Variants in PIP5K1B observed in about 807,000 individuals in gnomAD.
The protein encoded by PIP5K1B is phosphatidylinositol 4-phosphate 5-kinase type-1 beta.
A neutral mutation model predicts 67.0 loss-of-function variants in PIP5K1B; 42 were observed. The ratio of observed to expected loss-of-function variants is 0.63; its 90% CI spans 0.49 to 0.81. The LOEUF is 0.81. Ranked by LOEUF, PIP5K1B falls within the 30% of genes least tolerant of loss-of-function variation. PIP5K1B has a pLI of 0.00. For synonymous variants in PIP5K1B, 214 were observed against 231.4 expected (o/e 0.92, Z 0.68); for missense variants, 459 against 646.3 (o/e 0.71, Z 3.14).
At chr9:68,882,487 T>C (rs1410493928) in intron 6 of PIP5K1B, among the ~76,000 whole-genome samples, 1 of 152,238 alleles carries the variant, frequency 6.6e-6, no homozygotes, top group African/African-American at 2.4e-5. Flanking sequence ...TAGTAACCAA[T>C]GAAATAGTCT....
At chr9:68,788,715 A>G in intron 2 of PIP5K1B, 2 of 260,648 alleles carry the variant, frequency 7.7e-6, no homozygotes, top group Non-Finnish European at 1.6e-5. Context: ...CACGTTTAGG[A>G]CCCCTTTGGG....
intron 4 of PIP5K1B, among the ~76,000 whole-genome samples, chr9:68,856,677 A>G (rs1822795669): frequency 6.6e-6 from 1 of 152,306 alleles, no homozygotes; most frequent in South Asian, 2.1e-4. Flanking sequence ...TATGCTTCGC[A>G]CAATGCCTAA....
At position 68,779,928 on chromosome 9, in the gene PIP5K1B, C is replaced by T. The variant is rs1831136247; in HGVS notation, c.-86+37271C>T. ...GCTATTTGCCGAAGGAATATACGGA[C>T]TAGCGGCCCGACCACTCCTCGCCCC... On this transcript the variant is annotated intron_variant, in intron 2 of 15. Coordinates refer to ENST00000265382, the MANE Select transcript of PIP5K1B (RefSeq NM_003558.4). 3 of 471,804 alleles carry T rather than the reference C, an allele frequency of 6.4e-6. No individual in the cohort carries two copies. In the Admixed American group the frequency reaches 1.2e-4, roughly 19 times the overall value. The allele number at this position is 471,804 out of a possible 1,614,324, so 29.2% of individuals were successfully genotyped here. A position where few individuals can be genotyped will look rare whatever the true frequency, so the allele number is the denominator to read the frequency against.
At chr9:68,781,323 C>T (rs8114) in intron 2 of PIP5K1B, 160,415 of 270,582 alleles carry the variant, frequency 0.59, 49,018 homozygotes, top group Non-Finnish European at 0.66. Context: ...TTTTAAATAA[C>T]TGAGAGCTCT....
chr9:68,748,608 CTTTTCT>C (rs1368919407), intron 2 of PIP5K1B, among the ~76,000 whole-genome samples: 2 of 97,220 alleles, frequency 2.1e-5, no homozygotes, highest in Non-Finnish European at 3.9e-5. Context: ...TTTCAGATTT[CTTTTCT>C]TTTTTTTTTT....
At chr9:68,716,686 T>C (rs1827650001) in intron 1 of PIP5K1B, among the ~76,000 whole-genome samples, 1 of 152,148 alleles carries the variant, frequency 6.6e-6, no homozygotes, top group African/African-American at 2.4e-5. Flanking sequence ...CTTGGAGATT[T>C]CTCAAAGAAC....
chr9:68,780,229 A>G (rs745618786), intron 2 of PIP5K1B: 17 of 1,542,066 alleles, frequency 1.1e-5, no homozygotes, highest in Non-Finnish European at 1.5e-5. Flanking sequence ...AGCCCGGCGG[A>G]GGGCGGTGGC....
rs397792694 is a variant in PIP5K1B at position 68,893,333 on chromosome 9, C to CTTTTTT, written c.472-993_472-988dup. 1.4e-4 allele frequency among the ~76,000 whole-genome samples: 15 copies of CTTTTTT among 110,970 alleles called. 1 individual carries two copies. Among genetic ancestry groups the CTTTTTT allele is most frequent in the Non-Finnish European group, 2.0e-4 (12 of 58,856 alleles). 72.8% of individuals were successfully genotyped at this position (110,970 alleles called of 152,430 possible). A position where few individuals can be genotyped will look rare whatever the true frequency, so the allele number is the denominator to read the frequency against. ...TAGGCATGTATTCCCTATTTTTTTTCTTTTTTTTTTTTTTTTTTGAGACAG... is the reference window on the plus strand; with the variant it reads ...TAGGCATGTATTCCCTATTTTTTTTCTTTTTTTTTTTTTTTTTTTTTTTTGAGACAG... On this transcript the variant is annotated intron_variant, in intron 7 of 15. Transcript: ENST00000265382.
At chr9:68,836,626 T>TAC (rs137946479) in intron 4 of PIP5K1B, among the ~76,000 whole-genome samples, 43,991 of 151,344 alleles carry the variant, frequency 0.29, 6,453 homozygotes, top group Admixed American at 0.34. Context: ...CACATACATC[T>TAC]ACACACACAC....
In PIP5K1B at chr9:68,809,508, C is replaced by T. The variant is rs578103632; in HGVS notation, c.-85-8953C>T. On this transcript the variant is annotated intron_variant, in intron 2 of 15. Transcript: ENST00000265382. ...TGGCACAAAATTTAAGAGGGACTTA[C>T]GATCATAGGTGGAAGGAGCAATGAG... 4.6e-5 allele frequency among the ~76,000 whole-genome samples: 7 copies of T among 152,102 alleles called. No homozygotes were observed. In the South Asian group the frequency reaches 1.2e-3, roughly 27 times the overall value.
intron 14 of PIP5K1B, among the ~76,000 whole-genome samples, chr9:68,951,232 A>G (rs1346155930): frequency 1.3e-5 from 2 of 152,232 alleles, no homozygotes; most frequent in East Asian, 1.9e-4. Flanking sequence ...GAAGGTCACA[A>G]ATAACTTAAA....
intron 14 of PIP5K1B, among the ~76,000 whole-genome samples, chr9:68,989,226 T>C (rs1830250813): frequency 6.6e-6 from 1 of 151,742 alleles, no homozygotes; most frequent in African/African-American, 2.4e-5. Context: ...AAAGACAGGA[T>C]TATGTGCAGT....
chr9:68,898,637 C>A (rs1168746320), intron 8 of PIP5K1B, among the ~76,000 whole-genome samples: 1 of 152,178 alleles, frequency 6.6e-6, no homozygotes, highest in Admixed American at 6.5e-5. Context: ...TTCTAGTCTT[C>A]TGTGACCCAG....
chr9:68,961,811 T>A (rs913876570), intron 14 of PIP5K1B, among the ~76,000 whole-genome samples: 1 of 152,164 alleles, frequency 6.6e-6, no homozygotes, highest in Non-Finnish European at 1.5e-5. Flanking sequence ...GACCTTCTGT[T>A]CCACCCACTC....
At chr9:68,881,350 G>A (rs1416438908) in intron 6 of PIP5K1B, among the ~76,000 whole-genome samples, 1 of 152,188 alleles carries the variant, frequency 6.6e-6, no homozygotes, top group Non-Finnish European at 1.5e-5. Context: ...GGAAAGCACA[G>A]AAATAGGAAA....
intron 2 of PIP5K1B, among the ~76,000 whole-genome samples, chr9:68,796,250 G>T (rs1198132731): frequency 6.6e-6 from 1 of 152,082 alleles, no homozygotes; most frequent in Non-Finnish European, 1.5e-5. Flanking sequence ...ATAGTTGCAT[G>T]TTATTTTTTT....
intron 2 of PIP5K1B, among the ~76,000 whole-genome samples, chr9:68,745,608 C>T (rs569932899): frequency 6.6e-6 from 1 of 152,206 alleles, no homozygotes. Context: ...ACTCCAGCCT[C>T]TTCCTCTCCT....
intron 2 of PIP5K1B, among the ~76,000 whole-genome samples, chr9:68,804,302 G>A (rs1440165456): frequency 6.6e-6 from 1 of 152,164 alleles, no homozygotes; most frequent in East Asian, 1.9e-4. Context: ...GGTATGTGTT[G>A]TGGGGAGCGG....
intron 1 of PIP5K1B, chr9:68,739,974 A>G (rs1828924200): frequency 6.6e-6 from 1 of 152,270 alleles, no homozygotes; most frequent in Non-Finnish European, 1.5e-5. Flanking sequence ...GTGACCAGGT[A>G]TAGAGTCTCT....
Sources: allele counts gnomAD v4.1 joint callset (sites outside exome capture counted in the v4.1 genomes callset), GRCh38; gene constraint gnomAD v4.1.1; transcripts MANE v1.5; gene names NCBI Gene and HGNC (gene_info 2026-07-23, HGNC 2026-07-21).